FREM3: variants seen among roughly 807,000 people sequenced by gnomAD.
FREM3 encodes the protein FRAS1 related extracellular matrix 3.
A neutral mutation model predicts 129.1 loss-of-function variants in FREM3; 105 were observed. The observed-to-expected ratio is 0.81, with a 90% CI of 0.69 to 0.96. The LOEUF (loss-of-function observed/expected upper bound fraction) is 0.96. FREM3 is among the 40% of genes least tolerant of loss of function. The pLI is 0.00. For synonymous variants in FREM3, 1,014 were observed against 1,044.9 expected, an observed-to-expected ratio of 0.97 and a Z score of 0.57; for missense variants, 2,593 against 2,666.3, an observed-to-expected ratio of 0.97 and a Z score of 0.61.
At chr4:143,648,745 C>T (rs899984605) in intron 2 of FREM3, among the ~76,000 whole-genome samples, 4 of 152,200 alleles carry the variant, frequency 2.6e-5, no homozygotes, top group African/African-American at 7.2e-5. Context: ...ATTACCCAGT[C>T]TTGGGCAGTT....
At chr4:143,677,213 G>T (rs147367214) in intron 2 of FREM3, among the ~76,000 whole-genome samples, 17,165 of 152,116 alleles carry the variant, frequency 0.11, 1,056 homozygotes, top group Non-Finnish European at 0.14. Flanking sequence ...CAATGGAACA[G>T]AACAGAGCCC....
chr4:143,671,526 C>T (rs868394617), intron 2 of FREM3, among the ~76,000 whole-genome samples: 3 of 152,160 alleles, frequency 2.0e-5, no homozygotes, highest in Middle Eastern at 6.8e-3. Context: ...TTTTTTTTCT[C>T]TCTGGAATAG....
At chr4:143,616,211 C>T (rs1228715087) in intron 5 of FREM3, among the ~76,000 whole-genome samples, 1 of 152,050 alleles carries the variant, frequency 6.6e-6, no homozygotes, top group Admixed American at 6.6e-5. Flanking sequence ...TACTACCAAC[C>T]TAGAATTTCA....
At position 143,700,005 on chromosome 4, in the gene FREM3, C is replaced by CCGTA; in HGVS notation, c.667_670dup (p.Gly224ValfsTer21). 6.7e-7 allele frequency: 1 copy of CCGTA among 1,502,790 alleles called. No individual in the cohort carries two copies. The highest frequency in any genetic ancestry group is 1.3e-5 in the South Asian group (1 of 78,758). The allele number at this position is 1,502,790 out of a possible 1,614,324, so 93.1% of individuals were successfully genotyped here. A position where few individuals can be genotyped will look rare whatever the true frequency, so the allele number is the denominator to read the frequency against. On this transcript the variant is annotated frameshift_variant, in exon 1 of 8. Transcript: ENST00000329798. LOFTEE classifies it high-confidence loss of function. Reference sequence around the variant, plus strand: ...GGCCCCCACCGCGTCCACCAAGCGCCCGTACTTGGGCAGGGGGCCGTCCTC... The same window carrying CCGTA: ...GGCCCCCACCGCGTCCACCAAGCGCCCGTACGTACTTGGGCAGGGGGCCGTCCTC...
At chr4:143,677,628 T>C (rs1302609619) in intron 2 of FREM3, among the ~76,000 whole-genome samples, 1 of 151,950 alleles carries the variant, frequency 6.6e-6, no homozygotes, top group East Asian at 1.9e-4. Context: ...GGGAGAAAAA[T>C]TTTGCAATCT....
chr4:143,673,908 C>T (rs1179164976), intron 2 of FREM3, among the ~76,000 whole-genome samples: 3 of 152,252 alleles, frequency 2.0e-5, no homozygotes, highest in Admixed American at 1.3e-4. Flanking sequence ...GGGATATAAT[C>T]TCCTGGTGTG....
At chr4:143,678,928 A>G (rs1468704030) in intron 2 of FREM3, among the ~76,000 whole-genome samples, 5 of 152,198 alleles carry the variant, frequency 3.3e-5, no homozygotes, top group Admixed American at 6.5e-5. Flanking sequence ...AGATGCAAGC[A>G]TAAAAAAACT....
intron 5 of FREM3, among the ~76,000 whole-genome samples, chr4:143,618,771 C>T (rs1560846641): frequency 6.6e-6 from 1 of 152,076 alleles, no homozygotes; most frequent in Admixed American, 6.5e-5. Flanking sequence ...AGGTTGGTGC[C>T]TGTAGTCCCA....
At chr4:143,590,736 G>T (rs1420252531) in intron 6 of FREM3, among the ~76,000 whole-genome samples, 1 of 152,150 alleles carries the variant, frequency 6.6e-6, no homozygotes, top group Non-Finnish European at 1.5e-5. Flanking sequence ...TTGGTATCAG[G>T]ATGATGCTGG....
chr4:143,618,087 GTGTC>G (rs1738881947), intron 5 of FREM3, among the ~76,000 whole-genome samples: 1 of 152,168 alleles, frequency 6.6e-6, no homozygotes, highest in Non-Finnish European at 1.5e-5. Flanking sequence ...AATTCACCGA[GTGTC>G]TGTCTGTTCA....
chr4:143,586,806 T>C (rs1738251593), intron 6 of FREM3, among the ~76,000 whole-genome samples: 1 of 152,192 alleles, frequency 6.6e-6, no homozygotes. Context: ...ACCTACTATA[T>C]GTACTGTCAT....
intron 2 of FREM3, among the ~76,000 whole-genome samples, chr4:143,667,135 C>G (rs1224399208): frequency 6.6e-6 from 1 of 151,920 alleles, no homozygotes; most frequent in East Asian, 1.9e-4. Context: ...ACAAGTAATG[C>G]TAGTAGTATT....
chr4:143,625,171 C>A (rs1739020113), intron 3 of FREM3, among the ~76,000 whole-genome samples: 2 of 152,084 alleles, frequency 1.3e-5, no homozygotes, highest in Admixed American at 1.3e-4. Context: ...CTAAATAGAC[C>A]TTCCTCTCAA....
chr4:143,618,308 C>T (rs1738885567), intron 5 of FREM3, among the ~76,000 whole-genome samples: 2 of 151,958 alleles, frequency 1.3e-5, no homozygotes, highest in African/African-American at 2.4e-5. Context: ...GGAAAACTCC[C>T]TGCATAGCTG....
At chr4:143,623,764 G>A (rs1738996715) in intron 4 of FREM3, among the ~76,000 whole-genome samples, 1 of 152,114 alleles carries the variant, frequency 6.6e-6, no homozygotes, top group Non-Finnish European at 1.5e-5. Flanking sequence ...CATTTGATCT[G>A]ACTGTGAAAA....
chr4:143,669,844 G>T (rs1412366540), intron 2 of FREM3, among the ~76,000 whole-genome samples: 3 of 152,052 alleles, frequency 2.0e-5, no homozygotes, highest in African/African-American at 7.2e-5. Flanking sequence ...GCGGGTACAT[G>T]TGCAGGTTTG....
At chr4:143,653,106 G>A (rs1326115399) in intron 2 of FREM3, among the ~76,000 whole-genome samples, 4 of 152,182 alleles carry the variant, frequency 2.6e-5, no homozygotes, top group Non-Finnish European at 4.4e-5. Flanking sequence ...AATTATTAGA[G>A]AGTGGTTCCT....
chr4:143,592,859 G>A (rs578250440), intron 6 of FREM3, among the ~76,000 whole-genome samples: 1,623 of 152,130 alleles, frequency 0.011, 24 homozygotes, highest in African/African-American at 0.037. Flanking sequence ...CATTCTCCCC[G>A]TCACTTTCAG....
At chr4:143,587,297 A>G (rs1272941015) in intron 6 of FREM3, among the ~76,000 whole-genome samples, 3 of 152,186 alleles carry the variant, frequency 2.0e-5, no homozygotes, top group Non-Finnish European at 4.4e-5. Flanking sequence ...TATTTCCTCA[A>G]TAAATAATCA....
Sources: gnomAD v4.1 joint callset for allele counts (sites outside exome capture counted in the v4.1 genomes callset) on GRCh38, gnomAD v4.1.1 for gene constraint, MANE v1.5 for transcripts, NCBI Gene and HGNC (gene_info 2026-07-23, HGNC 2026-07-21) for gene names.